Variants in KIF5A observed in about 807,000 individuals in gnomAD.
KIF5A encodes kinesin family member 5A.
In KIF5A, 35 loss-of-function variants were observed where a neutral mutation model predicts 141.3. The observed-to-expected ratio is 0.25, with a 90% confidence interval of 0.19 to 0.33. The LOEUF (loss-of-function observed/expected upper bound fraction) is 0.33, where lower values mean the gene tolerates loss of function less well. Ranked by LOEUF, KIF5A falls within the 10% of genes least tolerant of loss-of-function variation. The probability of loss-of-function intolerance (pLI) is 1.00; values close to 1 mark genes in which losing one functional copy is unlikely to be tolerated. For missense variants in KIF5A, 861 were observed against 1,314.3 expected (o/e 0.66, Z 5.33); for synonymous variants, 448 against 500.2 (o/e 0.90, Z 1.39).
chr12:57,580,396 G>A (rs927343049), intron 23 of KIF5A, among the ~76,000 whole-genome samples: 5 of 152,126 alleles, frequency 3.3e-5, no homozygotes, highest in Admixed American at 6.5e-5. Flanking sequence ...CCTACGGGGC[G>A]GGCTCTGCCT....
chr12:57,573,909 G>A (rs1284493110), intron 15 of KIF5A, among the ~76,000 whole-genome samples: 1 of 151,264 alleles, frequency 6.6e-6, no homozygotes, highest in Admixed American at 6.6e-5. Context: ...GTGAAACCCT[G>A]TCTCTACTAA....
chr12:57,580,349 G>A (rs1833898344), intron 23 of KIF5A, among the ~76,000 whole-genome samples: 2 of 152,178 alleles, frequency 1.3e-5, no homozygotes, highest in Non-Finnish European at 2.9e-5. Flanking sequence ...GGTAATGAGT[G>A]CAAATGTTTG....
chr12:57,576,412 C>A, intron 19 of KIF5A, 34 bp downstream of exon 19: 1 of 1,519,116 alleles, frequency 6.6e-7, no homozygotes, highest in South Asian at 1.1e-5. Context: ...CAGCCCCTCC[C>A]GGGTCCTGTC....
rs757963882 is a variant in KIF5A at position 57,581,473 on chromosome 12, C to A, written c.2814C>A (p.Thr938=). ...PASSPTNPYG[T]RSPECISYTN... ...CCTCACCCACCAACCCCTATGGCACCCGGAGCCCTGAGTGCATCAGTTACA... is the reference window on the plus strand; with the variant it reads ...CCTCACCCACCAACCCCTATGGCACACGGAGCCCTGAGTGCATCAGTTACA... Residue 938 remains threonine, a synonymous_variant, in exon 25 of 29, where the codon ACC becomes ACA. Coordinates refer to ENST00000455537, the MANE Select transcript of KIF5A (RefSeq NM_004984.4). 6.2e-7 allele frequency: 1 copy of A among 1,614,046 alleles called. No homozygotes were observed. Among genetic ancestry groups the A allele is most frequent in the South Asian group, 1.1e-5 (1 of 91,068 alleles).
intron 8 of KIF5A, among the ~76,000 whole-genome samples, chr12:57,568,217 T>C (rs1163577035): frequency 6.6e-6 from 1 of 152,180 alleles, no homozygotes; most frequent in Admixed American, 6.5e-5. Flanking sequence ...TGCATTGGGA[T>C]ATAATTCACA....
chr12:57,575,403 G>C (rs1436724660), intron 16 of KIF5A, 131 bp downstream of exon 16: 3 of 1,147,792 alleles, frequency 2.6e-6, no homozygotes, highest in Non-Finnish European at 3.8e-6. Context: ...GGACAGAAAA[G>C]CTGGGGTGGC....
At chr12:57,557,372 A>G (rs1881778273) in intron 1 of KIF5A, among the ~76,000 whole-genome samples, 1 of 152,166 alleles carries the variant, frequency 6.6e-6, no homozygotes, top group African/African-American at 2.4e-5. Flanking sequence ...ATTAATTACA[A>G]TTCAAAATTA....
At position 57,574,803 on chromosome 12, in the gene KIF5A, G is replaced by A. The variant is rs146197136; in HGVS notation, c.1717-281G>A. Among the ~76,000 whole-genome samples, 984 of 152,030 alleles carry A rather than the reference G, an allele frequency of 6.5e-3. 12 individuals carry two copies. Among genetic ancestry groups the A allele is most frequent in the African/African-American group, 0.023 (943 of 41,450 alleles). On this transcript the variant is annotated intron_variant, in intron 15 of 28. Transcript: ENST00000455537. Reference sequence around the variant, plus strand: ...CCACCATGTTGGTCAGGCTGGTCTCGAACTCCTGACCTCAGGTGATCCACC... The same window carrying A: ...CCACCATGTTGGTCAGGCTGGTCTCAAACTCCTGACCTCAGGTGATCCACC...
Position 57,564,612 on chromosome 12 carries a change from G to A in KIF5A, c.445+104G>A, listed in dbSNP as rs1050071600. The A allele has an allele frequency of 3.1e-6, 3 of 983,356 alleles. No individual in the cohort carries two copies. The African/African-American group carries it at 4.8e-5, about 16-fold the overall frequency. 60.9% of individuals were successfully genotyped at this position (983,356 alleles called of 1,614,324 possible). On this transcript the variant is annotated intron_variant, in intron 5 of 28. Transcript: ENST00000455537. ...TACCAATTGACAAGAGATGCAGAGG[G>A]CACACAGCACCCAAGTCTTTTGGCC...
intron 20 of KIF5A, among the ~76,000 whole-genome samples, 169 bp downstream of exon 20, chr12:57,577,031 C>G (rs555236383): frequency 2.0e-5 from 3 of 152,074 alleles, no homozygotes; most frequent in Non-Finnish European, 2.9e-5. Context: ...CAAAGACTGC[C>G]GTTGAGTATT....
At chr12:57,583,949 C>T (rs893681918) in intron 28 of KIF5A, among the ~76,000 whole-genome samples, 2 of 152,236 alleles carry the variant, frequency 1.3e-5, no homozygotes, top group East Asian at 3.9e-4. Flanking sequence ...TAAGCTGAGC[C>T]CTCTCCAGGG....
chr12:57,570,162 G>A lies in KIF5A; in HGVS notation c.1293G>A (p.Lys431=). Residue 431 remains lysine (K), a splice_region_variant and synonymous_variant, in exon 12 of 29, where the codon AAG becomes AAA. Coordinates refer to ENST00000455537, the MANE Select transcript of KIF5A (RefSeq NM_004984.4). ...GTCTCTATAAGCAGCTTGACGACAA[G>A]GTGAGGGCGGCCAGGCAGGGCACTG... ...IRRLYKQLDD[K]DDEINQQSQL... 1 of 1,613,340 alleles carries A rather than the reference G, an allele frequency of 6.2e-7. No individual in the cohort carries two copies. Among genetic ancestry groups the A allele is most frequent in the Non-Finnish European group, 8.5e-7 (1 of 1,179,876 alleles).
At chr12:57,563,351 C>T in intron 1 of KIF5A, 88 bp from the exon 2 acceptor site, 3 of 974,446 alleles carry the variant, frequency 3.1e-6, no homozygotes, top group Non-Finnish European at 4.9e-6. Context: ...AAAAGGGTGC[C>T]TTTCTCAGCT....
chr12:57,563,654 T>C lies in KIF5A; in HGVS notation c.252T>C (p.Ala84=), dbSNP rs1340159221. The part of the protein sequence containing the change: ...VLAGYNGTIF[A]YGQTSSGKTH... ...CTGGCTACAATGGCACCATTTTTGC[T>C]TATGGACAGACATCCTCAGGGAAAA... Residue 84 remains alanine (A), a synonymous_variant, in exon 3 of 29, where the codon GCT becomes GCC. Coordinates refer to ENST00000455537, the MANE Select transcript of KIF5A (RefSeq NM_004984.4). 6 of 1,614,174 alleles carry C rather than the reference T, an allele frequency of 3.7e-6. No homozygotes were observed. Among genetic ancestry groups the C allele is most frequent in the Non-Finnish European group, 4.2e-6 (5 of 1,180,014 alleles).
intron 12 of KIF5A, among the ~76,000 whole-genome samples, chr12:57,570,610 G>A (rs1882222357): frequency 6.6e-6 from 1 of 152,034 alleles, no homozygotes; most frequent in African/African-American, 2.4e-5. Context: ...TGTTGGCTAG[G>A]CTGACCTCTG....
At chr12:57,565,209 CG>C (rs1167007587) in intron 6 of KIF5A, among the ~76,000 whole-genome samples, 1 of 151,262 alleles carries the variant, frequency 6.6e-6, no homozygotes, top group African/African-American at 2.4e-5. Context: ...CACTTGAGGC[CG>C]GGAGTTCAAG....
At chr12:57,574,717 AT>A (rs1277570608) in intron 15 of KIF5A, among the ~76,000 whole-genome samples, 1 of 150,348 alleles carries the variant, frequency 6.7e-6, no homozygotes, top group African/African-American at 2.5e-5. Flanking sequence ...AGTAGCTGGG[AT>A]TACAGGCATG....
intron 7 of KIF5A, 133 bp from the exon 8 acceptor site, chr12:57,567,361 G>A: frequency 9.4e-7 from 1 of 1,069,170 alleles, no homozygotes; most frequent in East Asian, 3.9e-5. Context: ...CTGCCTGGGA[G>A]ATGTGGCAGC....
chr12:57,552,999 G>A (rs1347402642), intron 1 of KIF5A, among the ~76,000 whole-genome samples: 1 of 152,076 alleles, frequency 6.6e-6, no homozygotes, highest in African/African-American at 2.4e-5. Flanking sequence ...CTTCTTCCAG[G>A]AACCTGGGGG....
Sources: allele counts gnomAD v4.1 joint callset (sites outside exome capture counted in the v4.1 genomes callset), GRCh38; gene constraint gnomAD v4.1.1; transcripts MANE v1.5; gene names NCBI Gene and HGNC (gene_info 2026-07-23, HGNC 2026-07-21).